DPP6: variants seen among roughly 807,000 people sequenced by gnomAD.
DPP6 encodes the protein dipeptidyl peptidase like 6.
DPP6 carries 69 observed loss-of-function variants against 122.6 expected under a neutral mutation model. The observed-to-expected ratio is 0.56, with a 90% CI of 0.46 to 0.69. The LOEUF is 0.69. Ranked by LOEUF, DPP6 falls within the 30% of genes least tolerant of loss-of-function variation. DPP6 has a pLI of 0.00. For synonymous variants in DPP6, 418 were observed against 433.1 expected, an observed-to-expected ratio of 0.97 and a Z score of 0.43; for missense variants, 928 against 1,116.9, an observed-to-expected ratio of 0.83 and a Z score of 2.41.
intron 16 of DPP6, among the ~76,000 whole-genome samples, chr7:154,835,393 A>G (rs867572665): frequency 4.6e-5 from 7 of 152,044 alleles, no homozygotes; most frequent in African/African-American, 1.7e-4. Flanking sequence ...CTGTGAGACA[A>G]TCTATTTCTG....
At chr7:154,275,464 G>A (rs951175191) in intron 1 of DPP6, among the ~76,000 whole-genome samples, 2 of 152,194 alleles carry the variant, frequency 1.3e-5, no homozygotes, top group Non-Finnish European at 2.9e-5. Flanking sequence ...ACCAGGTCTC[G>A]GGGCCTCTCC....
intron 1 of DPP6, among the ~76,000 whole-genome samples, chr7:154,005,951 T>C (rs957284311): frequency 2.6e-5 from 4 of 152,078 alleles, no homozygotes; most frequent in Non-Finnish European, 4.4e-5. Context: ...TGAGGGACTT[T>C]TTTCCTGCTC....
chr7:154,682,032 G>A (rs1839311793), intron 7 of DPP6, among the ~76,000 whole-genome samples: 1 of 152,150 alleles, frequency 6.6e-6, no homozygotes, highest in Non-Finnish European at 1.5e-5. Flanking sequence ...CCATCCAGAA[G>A]GGAAAGTAAA....
At chr7:154,584,624 A>G (rs1832314057) in intron 5 of DPP6, among the ~76,000 whole-genome samples, 1 of 152,246 alleles carries the variant, frequency 6.6e-6, no homozygotes. Flanking sequence ...CATCCTGGCA[A>G]TGAGCAGCTG....
intron 1 of DPP6, among the ~76,000 whole-genome samples, chr7:154,287,760 G>A (rs1475467286): frequency 2.6e-5 from 4 of 152,146 alleles, no homozygotes; most frequent in African/African-American, 4.8e-5. Context: ...TGATTAAACC[G>A]GAACAGGAAT....
At position 154,127,423 on chromosome 7, in the gene DPP6, A is replaced by G. The variant is rs377548581; in HGVS notation, c.243+74360A>G. On this transcript the variant is annotated intron_variant, in intron 1 of 25. Coordinates refer to ENST00000377770, the MANE Select transcript of DPP6 (RefSeq NM_130797.4). Reference sequence around the variant, plus strand: ...TAGTCAAGAAAAGGGCTTTACTTGCACTGGAGAAGACTTCCCCTCATGCAC... The same window carrying G: ...TAGTCAAGAAAAGGGCTTTACTTGCGCTGGAGAAGACTTCCCCTCATGCAC... 2.3e-4 allele frequency among the ~76,000 whole-genome samples: 35 copies of G among 152,244 alleles called. No individual in the cohort carries two copies. The South Asian group carries it at 2.5e-3, about 11-fold the overall frequency.
chr7:154,870,392 G>C (rs1366997881), intron 18 of DPP6, among the ~76,000 whole-genome samples: 1 of 152,098 alleles, frequency 6.6e-6, no homozygotes, highest in Non-Finnish European at 1.5e-5. Context: ...ATCACTTGAG[G>C]TCAGGAGTTC....
chr7:154,750,470 CTT>C (rs563389952), intron 8 of DPP6, among the ~76,000 whole-genome samples: 2 of 152,228 alleles, frequency 1.3e-5, no homozygotes, highest in Non-Finnish European at 2.9e-5. Context: ...AGGAAAGAAA[CTT>C]AGCCAGGCAC....
intron 3 of DPP6, among the ~76,000 whole-genome samples, chr7:154,537,832 A>G (rs1271331539): frequency 6.6e-6 from 1 of 152,126 alleles, no homozygotes; most frequent in East Asian, 1.9e-4. Flanking sequence ...TTTTACCAAA[A>G]GATGTAAAGA....
the DPP6 span, among the ~76,000 whole-genome samples, chr7:153,799,333 A>G: frequency 6.6e-6 from 1 of 152,198 alleles, no homozygotes; most frequent in Non-Finnish European, 1.5e-5. Flanking sequence ...CTTCAATCTT[A>G]TAAGCAAAGA....
intron 4 of DPP6, among the ~76,000 whole-genome samples, chr7:154,557,949 TTTA>T (rs987273318): frequency 6.6e-6 from 1 of 151,996 alleles, no homozygotes; most frequent in Non-Finnish European, 1.5e-5. Flanking sequence ...CCACAATTAC[TTTA>T]TTATTATTAT....
At chr7:154,437,660 G>T (rs1231714733) in intron 1 of DPP6, among the ~76,000 whole-genome samples, 1 of 152,196 alleles carries the variant, frequency 6.6e-6, no homozygotes. Flanking sequence ...CAAAGGCCAG[G>T]TGTGGTGGTT....
At chr7:153,932,625 T>TTAAACTTCCTCCAGACCTGGGGAAGAGGA (rs1235202983) in intron 1 of DPP6, among the ~76,000 whole-genome samples, 3 of 152,300 alleles carry the variant, frequency 2.0e-5, no homozygotes, top group East Asian at 1.9e-4. Context: ...GCATTGTTCA[T>TTAAACTTCCTCCAGACCTGGGGAAGAGGA]TAAACTTCCT....
intron 1 of DPP6, among the ~76,000 whole-genome samples, chr7:154,063,010 C>T (rs539747835): frequency 1.1e-4 from 14 of 129,332 alleles, no homozygotes; most frequent in East Asian, 4.5e-4. Context: ...CTCTTCCCCC[C>T]CTGGCTCTGA....
At chr7:154,843,617 C>A (rs972583680) in intron 16 of DPP6, among the ~76,000 whole-genome samples, 2 of 152,202 alleles carry the variant, frequency 1.3e-5, no homozygotes, top group Non-Finnish European at 2.9e-5. Flanking sequence ...GAGAGAATGT[C>A]TCTAAGAGCC....
chr7:154,167,258 A>G (rs1412658057), intron 1 of DPP6, among the ~76,000 whole-genome samples: 1 of 152,194 alleles, frequency 6.6e-6, no homozygotes, highest in Non-Finnish European at 1.5e-5. Flanking sequence ...GAGGGTGGGT[A>G]GGCAAATAGA....
intron 1 of DPP6, among the ~76,000 whole-genome samples, chr7:153,910,714 G>A (rs1800052318): frequency 6.6e-6 from 1 of 152,146 alleles, no homozygotes; most frequent in East Asian, 1.9e-4. Context: ...TTTCTCCCTG[G>A]GCTTCCTGAC....
At chr7:154,415,646 A>T (rs980460491) in intron 1 of DPP6, among the ~76,000 whole-genome samples, 10 of 151,396 alleles carry the variant, frequency 6.6e-5, no homozygotes, top group Non-Finnish European at 1.2e-4. Flanking sequence ...AGTATGATGT[A>T]GGTTAAATTT....
chr7:154,454,280 G>T (rs1367644625), intron 2 of DPP6, among the ~76,000 whole-genome samples: 2 of 152,232 alleles, frequency 1.3e-5, no homozygotes, highest in African/African-American at 4.8e-5. Flanking sequence ...ATTGGGGATG[G>T]TGTCTACTCT....
Sources: allele counts gnomAD v4.1 joint callset (sites outside exome capture counted in the v4.1 genomes callset), GRCh38; gene constraint gnomAD v4.1.1; transcripts MANE v1.5; gene names NCBI Gene and HGNC (gene_info 2026-07-23, HGNC 2026-07-21).